NAALADL2: variants seen among roughly 807,000 people sequenced by gnomAD.
The protein encoded by NAALADL2 is N-acetylated alpha-linked acidic dipeptidase like 2.
Under a neutral mutation model 87.2 loss-of-function variants are expected in NAALADL2, and 76 were observed. The observed-to-expected ratio is 0.87, with a 90% confidence interval of 0.72 to 1.05. NAALADL2 has a LOEUF of 1.05. NAALADL2 is among the 50% of genes least tolerant of loss of function. NAALADL2 has a pLI of 0.00. For synonymous variants in NAALADL2, 354 were observed against 331.0 expected (o/e 1.07, Z -0.75); for missense variants, 1,089 against 945.8 (o/e 1.15, Z -1.99).
chr3:175,713,918 C>A (rs1444038026), intron 11 of NAALADL2, among the ~76,000 whole-genome samples: 1 of 152,188 alleles, frequency 6.6e-6, no homozygotes, highest in East Asian at 1.9e-4. Context: ...GTGTGATGTT[C>A]CCCATCCTAT....
intron 2 of NAALADL2, among the ~76,000 whole-genome samples, chr3:174,605,486 G>A (rs566196130): frequency 1.3e-5 from 2 of 152,276 alleles, no homozygotes; most frequent in Admixed American, 1.3e-4. Flanking sequence ...TTTCCGATGG[G>A]CTTAAAAAAC....
At chr3:175,082,177 C>T (rs945413572) in intron 1 of NAALADL2, among the ~76,000 whole-genome samples, 14 of 152,018 alleles carry the variant, frequency 9.2e-5, no homozygotes, top group African/African-American at 2.4e-4. Flanking sequence ...TGTCTGACAC[C>T]CAGTGCACAG....
chr3:174,789,853 A>C (rs375417877), intron 3 of NAALADL2, among the ~76,000 whole-genome samples: 6 of 152,212 alleles, frequency 3.9e-5, no homozygotes, highest in African/African-American at 1.4e-4. Flanking sequence ...ATAGAAGAAC[A>C]ACCTCTGAGT....
At chr3:174,851,262 C>A (rs1174992949) in intron 3 of NAALADL2, among the ~76,000 whole-genome samples, 1 of 148,930 alleles carries the variant, frequency 6.7e-6, no homozygotes, top group Non-Finnish European at 1.5e-5. Flanking sequence ...AATATCAGAG[C>A]AGAAGTAAAT....
intron 1 of NAALADL2, among the ~76,000 whole-genome samples, chr3:174,512,015 A>T (rs757498227): frequency 1.3e-5 from 2 of 152,102 alleles, no homozygotes; most frequent in Non-Finnish European, 2.9e-5. Context: ...TTAAACAATT[A>T]TTTTTAAAGT....
At chr3:174,781,223 A>C (rs1560219924) in intron 3 of NAALADL2, among the ~76,000 whole-genome samples, 1 of 151,468 alleles carries the variant, frequency 6.6e-6, no homozygotes, top group Non-Finnish European at 1.5e-5. Context: ...TTTTTCCTTC[A>C]TTTCAATTTT....
At chr3:174,742,078 A>C (rs1233453326) in intron 3 of NAALADL2, among the ~76,000 whole-genome samples, 2 of 151,642 alleles carry the variant, frequency 1.3e-5, no homozygotes, top group African/African-American at 2.4e-5. Flanking sequence ...ACTGATGTAA[A>C]ACTCACTCTT....
At chr3:175,065,087 C>A (rs891577483) in intron 1 of NAALADL2, among the ~76,000 whole-genome samples, 4 of 151,962 alleles carry the variant, frequency 2.6e-5, no homozygotes, top group African/African-American at 9.7e-5. Context: ...AAGGAATAGT[C>A]ACTATGAAGG....
chr3:175,398,417 C>T (rs991624657), intron 5 of NAALADL2, among the ~76,000 whole-genome samples: 4 of 148,604 alleles, frequency 2.7e-5, no homozygotes, highest in Non-Finnish European at 5.9e-5. Flanking sequence ...CTTCTAATTC[C>T]CCTCCTCTGC....
chr3:174,917,046 T>C (rs570836996), intron 1 of NAALADL2, among the ~76,000 whole-genome samples: 2 of 152,254 alleles, frequency 1.3e-5, no homozygotes, highest in East Asian at 1.9e-4. Flanking sequence ...GTAATTCTCA[T>C]TGGAAACTTT....
intron 3 of NAALADL2, among the ~76,000 whole-genome samples, chr3:174,810,465 G>A (rs1024541697): frequency 6.6e-6 from 1 of 152,064 alleles, no homozygotes; most frequent in African/African-American, 2.4e-5. Context: ...GTTGGATAGT[G>A]CCTCTGCCCT....
At chr3:175,366,904 T>C (rs1476744325) in intron 5 of NAALADL2, among the ~76,000 whole-genome samples, 2 of 151,832 alleles carry the variant, frequency 1.3e-5, no homozygotes, top group Admixed American at 6.6e-5. Context: ...TTGCCATTGC[T>C]TTTGGTGTTT....
At chr3:175,444,933 A>T (rs1006442997) in intron 5 of NAALADL2, among the ~76,000 whole-genome samples, 4 of 152,190 alleles carry the variant, frequency 2.6e-5, no homozygotes, top group African/African-American at 9.7e-5. Context: ...CAGATGATAA[A>T]TTAAGGAAAC....
chr3:175,721,669 G>T (rs575350830), intron 11 of NAALADL2, among the ~76,000 whole-genome samples: 2 of 152,172 alleles, frequency 1.3e-5, no homozygotes, highest in South Asian at 4.1e-4. Flanking sequence ...GCTATAGGAA[G>T]AAATCAATAC....
chr3:175,423,881 AACAGTGTAAAAATGTTCCTATTTGTCC>A (rs1184945015), intron 5 of NAALADL2, among the ~76,000 whole-genome samples: 9 of 152,212 alleles, frequency 5.9e-5, no homozygotes, highest in Non-Finnish European at 1.3e-4. Context: ...CAGTCCCACC[AACAGTGTAAAAATGTTCCTATTTGTCC>A]ACATCCTCTC....
At chr3:174,699,511 T>A (rs1473450686) in intron 2 of NAALADL2, among the ~76,000 whole-genome samples, 4 of 151,456 alleles carry the variant, frequency 2.6e-5, no homozygotes, top group Non-Finnish European at 4.4e-5. Flanking sequence ...AAAAAAAAAA[T>A]TCTTAGATGG....
At chr3:174,574,947 G>A (rs1006229465) in intron 2 of NAALADL2, among the ~76,000 whole-genome samples, 4 of 151,612 alleles carry the variant, frequency 2.6e-5, no homozygotes, top group Admixed American at 2.0e-4. Flanking sequence ...TTCCAGTTTC[G>A]GGCTGTTATG....
At chr3:174,902,387 A>G (rs1732422437) in intron 1 of NAALADL2, among the ~76,000 whole-genome samples, 1 of 152,104 alleles carries the variant, frequency 6.6e-6, no homozygotes, top group Non-Finnish European at 1.5e-5. Context: ...GGCTCATTGT[A>G]AATCTCTTCT....
intron 3 of NAALADL2, among the ~76,000 whole-genome samples, chr3:174,819,938 C>G (rs1474235302): frequency 6.6e-6 from 1 of 152,130 alleles, no homozygotes; most frequent in African/African-American, 2.4e-5. Flanking sequence ...ACTCTCCCTT[C>G]CTAATCCAAT....
Sources: gnomAD v4.1 joint callset for allele counts (sites outside exome capture counted in the v4.1 genomes callset) on GRCh38, gnomAD v4.1.1 for gene constraint, MANE v1.5 for transcripts, NCBI Gene and HGNC (gene_info 2026-07-23, HGNC 2026-07-21) for gene names.